Variants in FGF14 observed in about 807,000 individuals in gnomAD.
FGF14 encodes the protein fibroblast growth factor homologous factor 4.
In FGF14, 5 loss-of-function variants were observed where a neutral mutation model predicts 25.5. That is an observed-to-expected ratio of 0.20 (90% CI 0.10 to 0.41). FGF14 has a LOEUF of 0.41. Among genes scored for constraint, FGF14 ranks in the 10% least tolerant of loss-of-function variants. The pLI is 1.00. For missense variants in FGF14, 222 were observed against 320.1 expected (o/e 0.69, Z 2.34); for synonymous variants, 138 against 118.3 (o/e 1.17, Z -1.08).
At chr13:102,014,207 C>A (rs111555889) in intron 1 of FGF14, among the ~76,000 whole-genome samples, 4,807 of 151,482 alleles carry the variant, frequency 0.032, 242 homozygotes, top group African/African-American at 0.11. Flanking sequence ...GCACATGTAC[C>A]CTAAAACTTA....
At chr13:101,935,266 T>G (rs1047515352) in intron 1 of FGF14, among the ~76,000 whole-genome samples, 1 of 152,188 alleles carries the variant, frequency 6.6e-6, no homozygotes, top group African/African-American at 2.4e-5. Flanking sequence ...AGCAGCTGCT[T>G]GGGGCCCCTA....
intron 3 of FGF14, among the ~76,000 whole-genome samples, chr13:101,733,382 G>A (rs1315935984): frequency 1.3e-5 from 2 of 152,008 alleles, no homozygotes; most frequent in Non-Finnish European, 2.9e-5. Context: ...CGATCATGAG[G>A]TCAAAAGATG....
intron 1 of FGF14, among the ~76,000 whole-genome samples, chr13:102,077,110 C>T (rs948867317): frequency 6.6e-6 from 1 of 152,068 alleles, no homozygotes; most frequent in African/African-American, 2.4e-5. Context: ...TTATCTCATG[C>T]CATATACAAA....
intron 1 of FGF14, among the ~76,000 whole-genome samples, chr13:102,233,871 GCTT>G (rs1344318894): frequency 6.6e-6 from 1 of 152,164 alleles, no homozygotes; most frequent in Admixed American, 6.6e-5. Flanking sequence ...CTTTTAATGT[GCTT>G]CTAATTGGTT....
intron 1 of FGF14, among the ~76,000 whole-genome samples, chr13:101,897,195 C>T (rs2030824701): frequency 6.6e-6 from 1 of 152,132 alleles, no homozygotes; most frequent in Admixed American, 6.6e-5. Context: ...ACCATATGTG[C>T]CTAGAGTGTG....
chr13:102,352,425 A>C (rs1209142610), intron 1 of FGF14, among the ~76,000 whole-genome samples: 2 of 152,120 alleles, frequency 1.3e-5, no homozygotes, highest in Admixed American at 6.5e-5. Flanking sequence ...TGTTTTAATA[A>C]ATGGCTCATA....
chr13:102,078,892 A>C (rs920751673), intron 1 of FGF14, among the ~76,000 whole-genome samples: 2 of 152,124 alleles, frequency 1.3e-5, no homozygotes, highest in Admixed American at 6.5e-5. Flanking sequence ...AGAAAGTGGC[A>C]AGGTTGAACT....
At chr13:102,119,787 G>A (rs1352047736) in intron 1 of FGF14, among the ~76,000 whole-genome samples, 1 of 152,268 alleles carries the variant, frequency 6.6e-6, no homozygotes. Context: ...TAGTGAATAA[G>A]GATGTTTATT....
At chr13:102,062,084 A>C (rs1424446977) in intron 1 of FGF14, among the ~76,000 whole-genome samples, 1 of 152,232 alleles carries the variant, frequency 6.6e-6, no homozygotes, top group Non-Finnish European at 1.5e-5. Context: ...AGGCAATTGG[A>C]TAACAGTTAA....
intron 1 of FGF14, among the ~76,000 whole-genome samples, chr13:102,068,858 G>C (rs183843604): frequency 6.6e-6 from 1 of 152,296 alleles, no homozygotes; most frequent in Admixed American, 6.5e-5. Context: ...TGAGGAGTGC[G>C]AGCACAGGGC....
At chr13:101,933,781 G>A (rs2034920584) in intron 1 of FGF14, among the ~76,000 whole-genome samples, 1 of 151,904 alleles carries the variant, frequency 6.6e-6, no homozygotes, top group Admixed American at 6.6e-5. Flanking sequence ...TATTTAATCT[G>A]TCTTAAATTT....
intron 1 of FGF14, among the ~76,000 whole-genome samples, chr13:102,079,570 C>CT (rs1243442658): frequency 1.3e-5 from 2 of 152,026 alleles, no homozygotes; most frequent in East Asian, 3.9e-4. Context: ...TGTGAGCTAC[C>CT]ATATCTAGAC....
In FGF14 at chr13:102,400,313, C is replaced by A. The variant is rs1251699312; in HGVS notation, c.208+1158G>T. 6.6e-6 allele frequency among the ~76,000 whole-genome samples: 1 copy of A among 152,202 alleles called. No homozygotes were observed. Among genetic ancestry groups the A allele is most frequent in the East Asian group, 1.9e-4 (1 of 5,182 alleles). Reference sequence around the variant, plus strand: ...GCTTCCAGAGCCCGGGCTGCCACTGCGGGACGGCCGATCTGCCCGCTCCCT... The same window carrying A: ...GCTTCCAGAGCCCGGGCTGCCACTGAGGGACGGCCGATCTGCCCGCTCCCT... On this transcript the variant is annotated intron_variant, in intron 1 of 4. Coordinates refer to the FGF14 transcript ENST00000376131. This position sits in a 1 kb window ranked among gnomAD's most constrained non-coding sequence, Gnocchi z 4.3.
At chr13:102,240,615 T>A (rs1367856190) in intron 1 of FGF14, among the ~76,000 whole-genome samples, 1 of 152,174 alleles carries the variant, frequency 6.6e-6, no homozygotes, top group Non-Finnish European at 1.5e-5. Flanking sequence ...TCTCCTCAGC[T>A]ATGAACTACT....
At chr13:102,041,735 T>C (rs2041753373) in intron 1 of FGF14, among the ~76,000 whole-genome samples, 3 of 152,130 alleles carry the variant, frequency 2.0e-5, no homozygotes, top group South Asian at 4.1e-4. Context: ...GGAAGGTCCT[T>C]AACCTCATAA....
rs2055925704 is a variant in FGF14, at chr13:102,314,514, G to A, written c.208+86957C>T. Among the ~76,000 whole-genome samples, 3 of 152,160 alleles carry A rather than the reference G, an allele frequency of 2.0e-5. No individual in the cohort carries two copies. The South Asian group carries it at 6.2e-4, about 32-fold the overall frequency. ...GGAATGTCTGCATTTTCCAGATACT[G>A]TACTAGATACAAGGATCCAATGATT... is the stretch of plus-strand genomic sequence containing the variant. On this transcript the variant is annotated intron_variant, in intron 1 of 4. Transcript: ENST00000376131.
Position 102,161,656 on chromosome 13 carries a change from A to G in FGF14, c.208+239815T>C, listed in dbSNP as rs1481150031. ...GAAGAAGAAGAAGAAGAAGAAGAAG[A>G]AGAAGAAGAAGAAGAAGAAGAAGAA... On this transcript the variant is annotated intron_variant, in intron 1 of 4. Transcript: ENST00000376131. Among the ~76,000 whole-genome samples, 159 of 26,174 alleles carry G rather than the reference A, an allele frequency of 6.1e-3. 5 individuals are homozygous for G. The highest frequency in any genetic ancestry group is 0.01 in the Non-Finnish European group (130 of 12,812). The allele number at this position is 26,174 out of a possible 152,430, so 17.2% of individuals were successfully genotyped here.
intron 1 of FGF14, among the ~76,000 whole-genome samples, chr13:102,005,379 T>C (rs996021633): frequency 1.3e-5 from 2 of 152,236 alleles, no homozygotes; most frequent in Non-Finnish European, 2.9e-5. Context: ...CTGTGTTCAA[T>C]GCCAGCACCA....
At chr13:102,311,043 C>T (rs1331505879) in intron 1 of FGF14, among the ~76,000 whole-genome samples, 1 of 152,052 alleles carries the variant, frequency 6.6e-6, no homozygotes, top group African/African-American at 2.4e-5. Context: ...CACACATACA[C>T]ACACACACAC....
Sources: allele counts gnomAD v4.1 joint callset (sites outside exome capture counted in the v4.1 genomes callset), GRCh38; gene constraint gnomAD v4.1.1; non-coding constraint Gnocchi (gnomAD v3.1); transcripts MANE v1.5; gene names NCBI Gene and HGNC (gene_info 2026-07-23, HGNC 2026-07-21).